Variants in DNAH9 observed in about 807,000 individuals in gnomAD.
DNAH9 encodes DNAH9 variant protein.
In DNAH9, 345 loss-of-function variants were observed where a neutral mutation model predicts 471.6. The ratio of observed to expected loss-of-function variants is 0.73; its 90% CI spans 0.67 to 0.80. The LOEUF (loss-of-function observed/expected upper bound fraction) is 0.80, where lower values mean the gene tolerates loss of function less well. DNAH9 is among the 30% of genes least tolerant of loss of function. The pLI is 0.00. For synonymous variants in DNAH9, 2,093 were observed against 2,123.6 expected (o/e 0.99, Z 0.40); for missense variants, 5,407 against 5,609.2 (o/e 0.96, Z 1.15).
intron 48 of DNAH9, among the ~76,000 whole-genome samples, chr17:11,826,396 C>G (rs539876689): frequency 8.4e-6 from 1 of 118,420 alleles, no homozygotes; most frequent in South Asian, 3.0e-4. Flanking sequence ...TCCTCAGTTC[C>G]CACATTTAAA....
intron 48 of DNAH9, among the ~76,000 whole-genome samples, chr17:11,825,076 T>C (rs1300198431): frequency 6.6e-6 from 1 of 152,206 alleles, no homozygotes; most frequent in African/African-American, 2.4e-5. Flanking sequence ...GTGATACCCC[T>C]GTCTTTCCCT....
chr17:11,606,617 T>G (rs1324302535), intron 1 of DNAH9, among the ~76,000 whole-genome samples: 1 of 151,276 alleles, frequency 6.6e-6, no homozygotes, highest in Non-Finnish European at 1.5e-5. Context: ...ACTCGGCTAA[T>G]TTTTTGTATT....
At chr17:11,911,525 TTTG>T (rs1380161633) in intron 61 of DNAH9, among the ~76,000 whole-genome samples, 2 of 152,220 alleles carry the variant, frequency 1.3e-5, no homozygotes, top group South Asian at 2.1e-4. Flanking sequence ...TATTTTCTTT[TTTG>T]TTGTTGTTTT....
chr17:11,900,931 A>G (rs565676119), intron 59 of DNAH9, among the ~76,000 whole-genome samples: 1 of 152,314 alleles, frequency 6.6e-6, no homozygotes, highest in African/African-American at 2.4e-5. Flanking sequence ...AAGAAATAGA[A>G]CAGACCTCCT....
At chr17:11,759,292 G>T (rs1178188972) in intron 35 of DNAH9, among the ~76,000 whole-genome samples, 1 of 151,660 alleles carries the variant, frequency 6.6e-6, no homozygotes, top group East Asian at 1.9e-4. Context: ...CCCACCTTTT[G>T]GAGTCTCTGG....
At chr17:11,619,079 A>G (rs765122267) in intron 5 of DNAH9, among the ~76,000 whole-genome samples, 3 of 152,234 alleles carry the variant, frequency 2.0e-5, no homozygotes, top group Non-Finnish European at 2.9e-5. Flanking sequence ...GTGGCCTTAG[A>G]TGATGTCAGC....
intron 15 of DNAH9, 131 bp downstream of exon 15, chr17:11,665,099 G>T: frequency 1.4e-5 from 11 of 762,704 alleles, no homozygotes; most frequent in Non-Finnish European, 1.9e-5. Flanking sequence ...TGTGAATGAT[G>T]CACAGGAAAA....
At chr17:11,905,305 G>C (rs1973556725) in intron 60 of DNAH9, among the ~76,000 whole-genome samples, 1 of 152,126 alleles carries the variant, frequency 6.6e-6, no homozygotes, top group Non-Finnish European at 1.5e-5. Context: ...AGATAGCAGG[G>C]AGAGAGCATA....
At chr17:11,651,367 C>A in intron 13 of DNAH9, 43 bp downstream of exon 13, 2 of 1,574,220 alleles carry the variant, frequency 1.3e-6, no homozygotes, top group South Asian at 2.4e-5. Context: ...CATGGAGATT[C>A]GAGGATCTAA....
chr17:11,942,428 G>A lies in DNAH9; in HGVS notation c.12786G>A (p.Met4262Ile). 4 of 1,614,190 alleles carry A rather than the reference G, an allele frequency of 2.5e-6. No individual in the cohort carries two copies. Among genetic ancestry groups the A allele is most frequent in the Non-Finnish European group, 2.5e-6 (3 of 1,180,032 alleles). ...TTGCCTTCCAGGAGTGTGGCCGGAT[G>A]AATATCCTCACCAGAGAGATTCAGC... ...IVVAFQECGR[M>I]NILTREIQRS... Residue 4262 changes from methionine (M) to isoleucine (I), a missense_variant, in exon 67 of 69, where the codon ATG becomes ATA. Physicochemically the swap from Met to Ile is conservative, Grantham distance 10. This residue lies in a region of DNAH9 where 4,636 missense variants were observed against 4,900.3 expected (regional missense o/e 0.95). Coordinates refer to ENST00000262442, the MANE Select transcript of DNAH9 (RefSeq NM_001372.4).
intron 29 of DNAH9, among the ~76,000 whole-genome samples, chr17:11,739,370 G>A (rs2075398945): frequency 1.3e-5 from 2 of 152,038 alleles, no homozygotes; most frequent in African/African-American, 4.8e-5. Context: ...TTTCATGGCT[G>A]CATACTTTTT....
At chr17:11,951,511 T>C (rs938550167) in intron 67 of DNAH9, among the ~76,000 whole-genome samples, 7 of 151,614 alleles carry the variant, frequency 4.6e-5, no homozygotes, top group Non-Finnish European at 8.8e-5. Context: ...CAAAATCCCA[T>C]CTCTACTGGA....
chr17:11,730,894 A>G (rs1337167078), intron 28 of DNAH9, among the ~76,000 whole-genome samples: 1 of 151,374 alleles, frequency 6.6e-6, no homozygotes, highest in African/African-American at 2.4e-5. Context: ...GATGATGGAG[A>G]TGATAATGGT....
chr17:11,812,028 TATATATATATATATATATATATATATAC>T (rs1969940832), intron 45 of DNAH9, among the ~76,000 whole-genome samples: 2 of 27,646 alleles, frequency 7.2e-5, no homozygotes, highest in Non-Finnish European at 1.2e-4. Context: ...AAAAAAAAAA[TATATATATATATATATATATATATATAC>T]ACATACATAC....
intron 14 of DNAH9, among the ~76,000 whole-genome samples, chr17:11,655,812 A>G (rs918692950): frequency 3.3e-5 from 5 of 152,146 alleles, no homozygotes; most frequent in African/African-American, 4.8e-5. Flanking sequence ...GAGCTAAACT[A>G]TGAGGAGGCA....
At chr17:11,652,071 A>T (rs1347108468) in intron 13 of DNAH9, among the ~76,000 whole-genome samples, 1 of 152,162 alleles carries the variant, frequency 6.6e-6, no homozygotes, top group Admixed American at 6.5e-5. Flanking sequence ...TTTATTTCAT[A>T]TACAAGAGGA....
chr17:11,655,913 TACAC>T (rs951506128), intron 14 of DNAH9, among the ~76,000 whole-genome samples: 3 of 151,454 alleles, frequency 2.0e-5, no homozygotes, highest in Non-Finnish European at 4.4e-5. Flanking sequence ...CACACACACA[TACAC>T]ACACACATAC....
chr17:11,653,787 G>A (rs543060339), intron 14 of DNAH9, among the ~76,000 whole-genome samples: 1 of 152,248 alleles, frequency 6.6e-6, no homozygotes, highest in South Asian at 2.1e-4. Flanking sequence ...TCAAGTTGAA[G>A]AGTCCCTCAA....
rs186706144 is a variant in DNAH9, at chr17:11,661,556, A to G, written c.2596-3277A>G. ...GTAACTGTATATTTTTTAGTATTCT[A>G]TTTTAATTTCTCAATTGGCATTTCA... On this transcript the variant is annotated intron_variant, in intron 14 of 68. Coordinates refer to ENST00000262442, the MANE Select transcript of DNAH9 (RefSeq NM_001372.4). 5.2e-4 allele frequency among the ~76,000 whole-genome samples: 79 copies of G among 152,126 alleles called. 1 individual carries two copies. Among genetic ancestry groups the G allele is most frequent in the African/African-American group, 1.8e-3 (76 of 41,540 alleles).
Sources: gnomAD v4.1 joint callset for allele counts (sites outside exome capture counted in the v4.1 genomes callset) on GRCh38, gnomAD v4.1.1 for gene constraint, gnomAD v4.1.1 regional missense constraint, MANE v1.5 for transcripts, NCBI Gene and HGNC (gene_info 2026-07-23, HGNC 2026-07-21) for gene names.